The following NAA35 variants were observed in gnomAD, a reference collection of about 807,000 sequenced individuals.
The protein encoded by NAA35 is N-alpha-acetyltransferase 35, NatC auxiliary subunit, also known as MAK10 homolog, amino-acid N-acetyltransferase subunit.
In NAA35, 18 loss-of-function variants were observed where a neutral mutation model predicts 101.7. That is an observed-to-expected ratio of 0.18 (90% CI 0.12 to 0.26). The LOEUF (loss-of-function observed/expected upper bound fraction) is 0.26. Among genes scored for constraint, NAA35 ranks in the 10% least tolerant of loss-of-function variants. The probability of loss-of-function intolerance (pLI) is 1.00; values close to 1 mark genes in which losing one functional copy is unlikely to be tolerated. For synonymous variants in NAA35, 267 were observed against 273.1 expected, an observed-to-expected ratio of 0.98 and a Z score of 0.22; for missense variants, 601 against 886.8, an observed-to-expected ratio of 0.68 and a Z score of 4.09.
chr9:85,942,951 C>T (rs910591301), intron 2 of NAA35, among the ~76,000 whole-genome samples: 1 of 152,178 alleles, frequency 6.6e-6, no homozygotes, highest in African/African-American at 2.4e-5. Flanking sequence ...GCAATTCCAC[C>T]TCAGTTGAAT....
At chr9:86,021,111 A>T in intron 22 of NAA35, 142 bp downstream of exon 22, 4 of 564,594 alleles carry the variant, frequency 7.1e-6, no homozygotes, top group Non-Finnish European at 1.2e-5. Context: ...GCAGCAAAAA[A>T]TTAGAGCTTG....
chr9:85,966,965 G>T (rs1829768465), intron 6 of NAA35, among the ~76,000 whole-genome samples: 1 of 152,158 alleles, frequency 6.6e-6, no homozygotes, highest in African/African-American at 2.4e-5. Context: ...AAATTAGCTA[G>T]GCGTAGTGGC....
chr9:86,012,127 T>A (rs76025717), intron 15 of NAA35, among the ~76,000 whole-genome samples: 1 of 150,434 alleles, frequency 6.6e-6, no homozygotes, highest in Non-Finnish European at 1.5e-5. Context: ...CTTTTTTTTT[T>A]GTTTTTTTTT....
intron 5 of NAA35, among the ~76,000 whole-genome samples, chr9:85,961,111 A>T (rs1392540210): frequency 6.6e-6 from 1 of 152,174 alleles, no homozygotes; most frequent in East Asian, 1.9e-4. Context: ...GACTGTATTT[A>T]AAAATTTGGA....
chr9:85,966,909 C>T lies in NAA35; in HGVS notation c.516+4729C>T, dbSNP rs551480679. 5.3e-5 allele frequency among the ~76,000 whole-genome samples: 8 copies of T among 152,310 alleles called. No homozygotes were observed. In the South Asian group the frequency reaches 1.7e-3, roughly 32 times the overall value. The stretch of plus-strand genomic sequence containing the variant: ...ATCACCTGAGGTCAGGAGTTCGAGA[C>T]CAGCCTGGCCAACATGGCGAAACCC... On this transcript the variant is annotated intron_variant, in intron 6 of 22. Coordinates refer to ENST00000361671, the MANE Select transcript of NAA35 (RefSeq NM_024635.4).
rs1033777182 is a variant in NAA35, at chr9:86,007,472, T to C, written c.1223+8T>C. 6 of 1,607,666 alleles carry C rather than the reference T, an allele frequency of 3.7e-6. No homozygotes were observed. The highest frequency in any genetic ancestry group is 5.1e-6 in the Non-Finnish European group (6 of 1,174,498). On this transcript the variant is annotated splice_region_variant and intron_variant, in intron 14 of 22. Coordinates refer to ENST00000361671, the MANE Select transcript of NAA35 (RefSeq NM_024635.4). ...TCCGGTGCTTTCCCCCAAGTAAGTA[T>C]TGTAAGACATTTTAGAGTTGTATGT... is the stretch of plus-strand genomic sequence containing the variant.
chr9:85,978,943 G>A (rs1830324237), intron 11 of NAA35, among the ~76,000 whole-genome samples: 1 of 152,164 alleles, frequency 6.6e-6, no homozygotes, highest in South Asian at 2.1e-4. Flanking sequence ...TTAGAAGCAA[G>A]ATGGAGTCAG....
chr9:85,957,976 T>C (rs544341395), intron 3 of NAA35, among the ~76,000 whole-genome samples: 9 of 151,856 alleles, frequency 5.9e-5, no homozygotes, highest in Non-Finnish European at 1.3e-4. Context: ...AGTTTCACTC[T>C]TGTTGCCCAG....
chr9:86,003,685 T>C (rs1831511624), intron 13 of NAA35, 41 bp downstream of exon 13: 2 of 1,205,640 alleles, frequency 1.7e-6, no homozygotes, highest in African/African-American at 3.0e-5. Context: ...TTAAACATTA[T>C]ATGTGTATTG....
At chr9:85,961,928 G>A in intron 5 of NAA35, 85 bp from the exon 6 acceptor site, 1 of 1,041,186 alleles carries the variant, frequency 9.6e-7, no homozygotes, top group South Asian at 1.8e-5. Context: ...GGTCTATGGT[G>A]CTCTGGCCTT....
intron 6 of NAA35, among the ~76,000 whole-genome samples, chr9:85,969,107 A>G (rs1477163229): frequency 6.6e-6 from 1 of 152,020 alleles, no homozygotes; most frequent in Admixed American, 6.5e-5. Context: ...CAGCTGTGTC[A>G]TTCTAGTTTT....
At chr9:85,975,650 GT>G (rs1244575585) in intron 8 of NAA35, among the ~76,000 whole-genome samples, 1 of 152,080 alleles carries the variant, frequency 6.6e-6, no homozygotes, top group Non-Finnish European at 1.5e-5. Flanking sequence ...TCAGCGGTTG[GT>G]TGAATCCAAC....
At chr9:86,004,983 A>G (rs1464560717) in intron 13 of NAA35, among the ~76,000 whole-genome samples, 4 of 152,252 alleles carry the variant, frequency 2.6e-5, no homozygotes, top group African/African-American at 9.6e-5. Flanking sequence ...GAACACTCAT[A>G]TGAGCCAGAA....
intron 2 of NAA35, among the ~76,000 whole-genome samples, chr9:85,952,390 A>G (rs1389340715): frequency 6.6e-6 from 1 of 150,638 alleles, no homozygotes; most frequent in Non-Finnish European, 1.5e-5. Flanking sequence ...GGTTCAAATG[A>G]TTCTCCTGCC....
chr9:85,950,634 T>C (rs1364195092), intron 2 of NAA35, among the ~76,000 whole-genome samples: 1 of 152,196 alleles, frequency 6.6e-6, no homozygotes, highest in Non-Finnish European at 1.5e-5. Context: ...TTTGACTTGC[T>C]TCTAGATCTG....
At chr9:86,020,604 G>A (rs1245520120) in intron 21 of NAA35, among the ~76,000 whole-genome samples, 1 of 152,108 alleles carries the variant, frequency 6.6e-6, no homozygotes, top group Non-Finnish European at 1.5e-5. Context: ...AACACTTTGG[G>A]AGGCCAGGGT....
intron 8 of NAA35, among the ~76,000 whole-genome samples, chr9:85,976,013 CT>C (rs1830194367): frequency 6.6e-6 from 1 of 151,996 alleles, no homozygotes; most frequent in Admixed American, 6.6e-5. Flanking sequence ...ACTTCATATT[CT>C]CTTTTTTTGA....
chr9:85,992,929 A>C (rs943831023), intron 11 of NAA35, among the ~76,000 whole-genome samples: 1 of 152,212 alleles, frequency 6.6e-6, no homozygotes, highest in Non-Finnish European at 1.5e-5. Flanking sequence ...CTGTGCTTGG[A>C]ACTTTTGAGA....
At chr9:85,958,987 A>G (rs1247911045) in intron 4 of NAA35, among the ~76,000 whole-genome samples, 2 of 152,216 alleles carry the variant, frequency 1.3e-5, no homozygotes, top group African/African-American at 2.4e-5. Context: ...TTGATTTTAC[A>G]TATTTTATAA....
Sources: allele counts gnomAD v4.1 joint callset (sites outside exome capture counted in the v4.1 genomes callset), GRCh38; gene constraint gnomAD v4.1.1; transcripts MANE v1.5; gene names NCBI Gene and HGNC (gene_info 2026-07-23, HGNC 2026-07-21).